Variants in ANKRD11 observed in about 807,000 individuals in gnomAD.
ANKRD11 encodes ankyrin repeat domain-containing protein 11.
ANKRD11 carries 17 observed loss-of-function variants against 195.7 expected under a neutral mutation model. That is an observed-to-expected ratio of 0.09 (90% CI 0.06 to 0.13). ANKRD11 has a LOEUF of 0.13. Among genes scored for constraint, ANKRD11 ranks in the 10% least tolerant of loss-of-function variants. The probability of loss-of-function intolerance (pLI) is 1.00; values close to 1 mark genes in which losing one functional copy is unlikely to be tolerated. For synonymous variants in ANKRD11, 1,953 were observed against 1,528.1 expected, an observed-to-expected ratio of 1.28 and a Z score of -6.49; for missense variants, 3,735 against 3,566.1, an observed-to-expected ratio of 1.05 and a Z score of -1.21.
At chr16:89,274,049 G>C (rs1054793922) in intron 11 of ANKRD11, among the ~76,000 whole-genome samples, 1 of 152,216 alleles carries the variant, frequency 6.6e-6, no homozygotes, top group Non-Finnish European at 1.5e-5. Context: ...ATGCAGGCGA[G>C]GCAACGGGAG....
chr16:89,398,678 G>C (rs2041568565), intron 2 of ANKRD11, among the ~76,000 whole-genome samples: 1 of 152,124 alleles, frequency 6.6e-6, no homozygotes, highest in Non-Finnish European at 1.5e-5. Flanking sequence ...GGAGGTTGAG[G>C]CTGCAGTGAG....
intron 4 of ANKRD11, chr16:89,301,021 G>A (rs779280665): frequency 5.0e-6 from 3 of 601,986 alleles, no homozygotes; most frequent in South Asian, 1.9e-5. Context: ...AAACAGCGGG[G>A]CAGGAGGCTC....
intron 2 of ANKRD11, among the ~76,000 whole-genome samples, chr16:89,341,226 G>A (rs571291336): frequency 3.0e-4 from 45 of 152,348 alleles, no homozygotes; most frequent in Middle Eastern, 6.8e-3. Context: ...GACTTCTGCT[G>A]CCATCATGGC....
At position 89,284,742 on chromosome 16, in the gene ANKRD11, C is replaced by T; in HGVS notation, c.1800G>A (p.Lys600=). Residue 600 remains lysine, a synonymous_variant, in exon 9 of 13, where the codon AAG becomes AAA. Coordinates refer to ENST00000301030, the MANE Select transcript of ANKRD11 (RefSeq NM_013275.6). ...TCTTCTTCTCCGACAGGGAGGCTCG[C>T]TTCCTGTGCTCCTGCCTCTTCCTCA... ...KPVRKRQEHR[K]RASLSEKKSP... 3.1e-6 allele frequency: 5 copies of T among 1,613,632 alleles called. No individual in the cohort carries two copies. Among genetic ancestry groups the T allele is most frequent in the Non-Finnish European group, 4.2e-6 (5 of 1,179,960 alleles).
intron 2 of ANKRD11, among the ~76,000 whole-genome samples, chr16:89,401,490 T>C (rs1345487199): frequency 6.6e-6 from 1 of 152,248 alleles, no homozygotes; most frequent in African/African-American, 2.4e-5. Flanking sequence ...AATCCTTATT[T>C]TGTAAAAAGT....
chr16:89,402,748 G>A (rs1181110447), intron 2 of ANKRD11, among the ~76,000 whole-genome samples: 1 of 142,512 alleles, frequency 7.0e-6, no homozygotes, highest in African/African-American at 2.6e-5. Context: ...GAGATAGGGG[G>A]TATCTGCAGG....
At chr16:89,319,306 T>A (rs1446550839) in intron 2 of ANKRD11, among the ~76,000 whole-genome samples, 1 of 152,210 alleles carries the variant, frequency 6.6e-6, no homozygotes, top group African/African-American at 2.4e-5. Flanking sequence ...TTCATGTCCC[T>A]AGCTTGGTGC....
intron 2 of ANKRD11, among the ~76,000 whole-genome samples, chr16:89,384,339 C>T (rs3114880): frequency 0.021 from 3,227 of 152,182 alleles, 73 homozygotes; most frequent in East Asian, 0.11. Flanking sequence ...GAGACCAGCC[C>T]GTCCAACATA....
rs1013967207 is a variant in ANKRD11 at position 89,281,198 on chromosome 16, G to C, written c.5344C>G (p.Pro1782Ala). ...GAGCGGTAAAGGTTTGTGGAGAGAG[G>C]CCTGGCAGGAGCCTGGCTGGCGTTT... ...SENASQAPAR[P>A]LSTNLYRSVS... The change falls in exon 9 of 13, where the codon CCT becomes GCT. Residue 1782 changes from proline to alanine, a missense_variant. Pro to Ala is a conservative substitution (Grantham distance 27). Transcript: ENST00000301030. This position sits in a 1 kb window ranked among gnomAD's most constrained non-coding sequence, Gnocchi z 5.5. 1.9e-6 allele frequency: 3 copies of C among 1,614,104 alleles called. No homozygotes were observed. The highest frequency in any genetic ancestry group is 2.5e-6 in the Non-Finnish European group (3 of 1,180,036).
At chr16:89,324,616 G>T (rs1052394790) in intron 2 of ANKRD11, 7 of 427,558 alleles carry the variant, frequency 1.6e-5, no homozygotes, top group Non-Finnish European at 2.8e-5. Context: ...GCAGATCTGC[G>T]GAAGCACTGG....
At chr16:89,277,800 T>A (rs777706730) in intron 9 of ANKRD11, 1 of 152,792 alleles carries the variant, frequency 6.5e-6, no homozygotes, top group Non-Finnish European at 1.5e-5. Flanking sequence ...GTCCCTGACA[T>A]GTCGGCCAGC....
chr16:89,432,715 C>G (rs549215357), intron 1 of ANKRD11, among the ~76,000 whole-genome samples: 1 of 152,212 alleles, frequency 6.6e-6, no homozygotes, highest in African/African-American at 2.4e-5. Flanking sequence ...CATATTCTAT[C>G]ACGGTATAAT....
chr16:89,380,045 C>T (rs1171615497), intron 2 of ANKRD11, among the ~76,000 whole-genome samples: 1 of 152,196 alleles, frequency 6.6e-6, no homozygotes, highest in Non-Finnish European at 1.5e-5. Context: ...ATATATGAAG[C>T]TCCTCTGCCA....
chr16:89,302,402 G>A (rs1428912966), intron 4 of ANKRD11, among the ~76,000 whole-genome samples: 1 of 152,106 alleles, frequency 6.6e-6, no homozygotes, highest in Non-Finnish European at 1.5e-5. Context: ...ACAGGCACCC[G>A]CCGCCACACC....
At chr16:89,378,097 C>T (rs1279359422) in intron 2 of ANKRD11, among the ~76,000 whole-genome samples, 2 of 152,166 alleles carry the variant, frequency 1.3e-5, no homozygotes, top group Non-Finnish European at 2.9e-5. Context: ...CACTTATAAT[C>T]CCAGTGCACT....
At position 89,284,329 on chromosome 16, in the gene ANKRD11, C is replaced by T. The variant is rs370690185; in HGVS notation, c.2213G>A (p.Arg738His). The T allele has an allele frequency of 7.4e-5, 120 of 1,613,754 alleles. No homozygotes were observed. The highest frequency in any genetic ancestry group is 1.6e-4 in the Middle Eastern group (1 of 6,084). ...TCTCTCCTTTTCTGCTTTATTCGAA[C>T]GGTCTTTCTCTTCTCGGAAAGACCT... The part of the protein sequence containing the change: ...ISRSFREEKD[R>H]SNKAEKERSL... Residue 738 changes from arginine to histidine, a missense_variant, in exon 9 of 13, where the codon CGT becomes CAT. Arg to His is a conservative substitution (Grantham distance 29). Transcript: ENST00000301030.
chr16:89,324,431 A>G (rs1949373885), intron 2 of ANKRD11: 1 of 471,342 alleles, frequency 2.1e-6, no homozygotes, highest in African/African-American at 2.0e-5. Flanking sequence ...ACTAAAACCA[A>G]GGTAAGTGTG....
intron 2 of ANKRD11, among the ~76,000 whole-genome samples, chr16:89,351,706 C>T (rs928802997): frequency 6.6e-6 from 1 of 152,132 alleles, no homozygotes. Context: ...CACAAAATGA[C>T]CAGAACAGCA....
intron 1 of ANKRD11, among the ~76,000 whole-genome samples, chr16:89,477,295 C>T (rs941629158): frequency 4.8e-4 from 73 of 151,706 alleles, no homozygotes; most frequent in African/African-American, 1.7e-3. Context: ...CATGTTCAAG[C>T]GATTCTCCTG....
Sources: gnomAD v4.1 joint callset for allele counts (sites outside exome capture counted in the v4.1 genomes callset) on GRCh38, gnomAD v4.1.1 for gene constraint, Gnocchi (gnomAD v3.1) non-coding constraint, MANE v1.5 for transcripts, NCBI Gene and HGNC (gene_info 2026-07-23, HGNC 2026-07-21) for gene names.